Variants in RSPO4 observed in about 807,000 individuals in gnomAD.
The protein encoded by RSPO4 is R-spondin-4.
A neutral mutation model predicts 24.8 loss-of-function variants in RSPO4; 23 were observed. The ratio of observed to expected loss-of-function variants is 0.93; its 90% confidence interval spans 0.67 to 1.31. The LOEUF (loss-of-function observed/expected upper bound fraction) is 1.31, where lower values mean the gene tolerates loss of function less well. Among genes scored for constraint, RSPO4 ranks in the 40% most tolerant of loss-of-function variants. The probability of loss-of-function intolerance (pLI) is 0.00; values close to 1 mark genes in which losing one functional copy is unlikely to be tolerated. For synonymous variants in RSPO4, 141 were observed against 127.4 expected, an observed-to-expected ratio of 1.11 and a Z score of -0.72; for missense variants, 333 against 316.5, an observed-to-expected ratio of 1.05 and a Z score of -0.39.
chr20:969,281 G>A (rs989188248), intron 1 of RSPO4, among the ~76,000 whole-genome samples: 11 of 152,262 alleles, frequency 7.2e-5, no homozygotes, highest in Non-Finnish European at 1.6e-4. Flanking sequence ...CTGTACTCCA[G>A]TCGGAGAGAC....
chr20:974,885 GT>G (rs1984515076), intron 1 of RSPO4, among the ~76,000 whole-genome samples: 1 of 152,244 alleles, frequency 6.6e-6, no homozygotes, highest in African/African-American at 2.4e-5. Flanking sequence ...ATTGAGTTAG[GT>G]TTTCTGTCAC....
At chr20:995,989 A>C (rs1368315580) in intron 1 of RSPO4, among the ~76,000 whole-genome samples, 3 of 152,244 alleles carry the variant, frequency 2.0e-5, no homozygotes, top group Non-Finnish European at 4.4e-5. Flanking sequence ...TTCTCAAAAT[A>C]ATAGTTTTCA....
At chr20:971,212 C>A (rs549783987) in intron 1 of RSPO4, among the ~76,000 whole-genome samples, 1 of 152,212 alleles carries the variant, frequency 6.6e-6, no homozygotes, top group Non-Finnish European at 1.5e-5. Flanking sequence ...CAAACTCTGG[C>A]GCACAACAGC....
intron 1 of RSPO4, among the ~76,000 whole-genome samples, chr20:996,963 T>C (rs187531215): frequency 2.4e-3 from 366 of 152,342 alleles, no homozygotes; most frequent in Admixed American, 4.1e-3. Context: ...ACTTACACCT[T>C]GCAGCCCTGG....
chr20:963,130 C>G (rs947207572), intron 4 of RSPO4, among the ~76,000 whole-genome samples: 1 of 152,178 alleles, frequency 6.6e-6, no homozygotes, highest in Non-Finnish European at 1.5e-5. Flanking sequence ...TTGAATGGCA[C>G]AGTGAAGGGG....
At chr20:992,268 T>C (rs536190027) in intron 1 of RSPO4, among the ~76,000 whole-genome samples, 37 of 143,086 alleles carry the variant, frequency 2.6e-4, no homozygotes, top group Admixed American at 4.7e-4. Flanking sequence ...ACTTTCTTTT[T>C]TTTTTTTTTT....
intron 1 of RSPO4, among the ~76,000 whole-genome samples, chr20:983,095 G>A (rs1984792600): frequency 6.6e-6 from 1 of 152,232 alleles, no homozygotes; most frequent in Admixed American, 6.5e-5. Flanking sequence ...AGATGAGCCC[G>A]AGTGAGAAAG....
intron 1 of RSPO4, among the ~76,000 whole-genome samples, chr20:982,821 T>C (rs1984782701): frequency 6.6e-6 from 1 of 152,222 alleles, no homozygotes; most frequent in African/African-American, 2.4e-5. Context: ...TGTCGGGGGT[T>C]TATGATTCCT....
At chr20:967,059 C>T in intron 3 of RSPO4, 115 bp downstream of exon 3, 2 of 1,047,036 alleles carry the variant, frequency 1.9e-6, no homozygotes, top group African/African-American at 3.1e-5. Context: ...CTGGGCCTTC[C>T]CTCACCATAT....
intron 1 of RSPO4, among the ~76,000 whole-genome samples, chr20:998,918 C>T (rs1261838411): frequency 1.3e-5 from 2 of 151,846 alleles, no homozygotes; most frequent in Non-Finnish European, 1.5e-5. Flanking sequence ...ATTTTCCAAG[C>T]AGATGCCTTA....
At chr20:964,793 TATATACACAC>T (rs1984136436) in intron 3 of RSPO4, among the ~76,000 whole-genome samples, 4 of 104,034 alleles carry the variant, frequency 3.8e-5, no homozygotes, top group African/African-American at 2.9e-4. Context: ...TATATACACA[TATATACACAC>T]ATACACACAC....
At chr20:995,724 T>C (rs1985258587) in intron 1 of RSPO4, among the ~76,000 whole-genome samples, 2 of 152,150 alleles carry the variant, frequency 1.3e-5, no homozygotes, top group Admixed American at 6.5e-5. Flanking sequence ...TCATCTATAA[T>C]ATAAAGATCC....
intron 4 of RSPO4, among the ~76,000 whole-genome samples, chr20:960,841 T>C (rs1378521709): frequency 6.6e-6 from 1 of 152,232 alleles, no homozygotes; most frequent in African/African-American, 2.4e-5. Flanking sequence ...GAGCAGGCTC[T>C]GTGCTGGACG....
Position 967,975 on chromosome 20 carries a change from G to A in RSPO4, c.243C>T (p.Arg81=), listed in dbSNP as rs756916549. 3.1e-6 allele frequency: 5 copies of A among 1,614,250 alleles called. No homozygotes were observed. Among genetic ancestry groups the A allele is most frequent in the Admixed American group, 1.7e-5 (1 of 60,036 alleles). ...TTTTGCACCTGTTGACCTCCTGGCC[G>A]CGGATGCCGAAGTACCCAGGGGGAC... The part of the protein sequence containing the change: ...HDCPPGYFGI[R]GQEVNRCKKC... Residue 81 remains arginine (R), a synonymous_variant, in exon 2 of 5, where the codon CGC becomes CGT. Coordinates refer to ENST00000217260, the MANE Select transcript of RSPO4 (RefSeq NM_001029871.4).
At chr20:1,000,921 C>T (rs1484670061) in intron 1 of RSPO4, among the ~76,000 whole-genome samples, 2 of 152,230 alleles carry the variant, frequency 1.3e-5, no homozygotes, top group Non-Finnish European at 2.9e-5. Context: ...CTGCTTCCTG[C>T]TCCGTTCCAG....
Position 1,002,242 on chromosome 20 carries a change from C to G in RSPO4, c.-78G>C, listed in dbSNP as rs867774893. On this transcript the variant is annotated 5_prime_UTR_variant, in exon 1 of 5. Transcript: ENST00000217260. This position sits in a 1 kb window ranked among gnomAD's most constrained non-coding sequence, Gnocchi z 4.6. ...GCCCCACGTCCCGGCGGCGGCACGG[C>G]GGGCGCGGGGGCTGCTGTGGGCGCG... 9.6e-5 allele frequency: 101 copies of G among 1,050,886 alleles called. 3 individuals are homozygous for G. In the Middle Eastern group the frequency reaches 5.8e-3, roughly 60 times the overall value. 65.1% of individuals were successfully genotyped at this position (1,050,886 alleles called of 1,614,324 possible).
At position 959,958 on chromosome 20, in the gene RSPO4, T is replaced by C. The variant is rs1363703063; in HGVS notation, c.*399A>G. 9.5e-6 allele frequency: 2 copies of C among 210,834 alleles called. No individual in the cohort carries two copies. Among genetic ancestry groups the C allele is most frequent in the Non-Finnish European group, 1.9e-5 (2 of 104,574 alleles). The allele number at this position is 210,834 out of a possible 1,614,324, so 13.1% of individuals were successfully genotyped here. On this transcript the variant is annotated 3_prime_UTR_variant, in exon 5 of 5. Transcript: ENST00000217260. ...AAAGATGTTTGCTTTCTTTAAGTTGTAGATAGAGAAAGCTGCAGGGGAGGG... is the reference window on the plus strand; with the variant it reads ...AAAGATGTTTGCTTTCTTTAAGTTGCAGATAGAGAAAGCTGCAGGGGAGGG...
Position 967,241 on chromosome 20 carries a change from G to C in RSPO4, c.342C>G (p.Tyr114Ter). 1 of 1,614,234 alleles carries C rather than the reference G, an allele frequency of 6.2e-7. No homozygotes were observed. Among genetic ancestry groups the C allele is most frequent in the Non-Finnish European group, 8.5e-7 (1 of 1,180,038 alleles). The change falls in exon 3 of 5, where the codon TAC becomes TAG. Residue 114 changes from tyrosine (Y) to a stop codon, truncating the protein, a stop_gained. Transcript: ENST00000217260. LOFTEE classifies it high-confidence loss of function. Reference sequence around the variant, plus strand: ...GGCAGGTGGGCAGACACTTCCCCTTGTACAAGTAAAACTGCCTCTTGCACC... The same window carrying C: ...GGCAGGTGGGCAGACACTTCCCCTTCTACAAGTAAAACTGCCTCTTGCACC... Reference protein sequence around the residue: ...CIRCKRQFYLYKGKCLPTCPP... With the variant: ...CIRCKRQFYL
Position 972,778 on chromosome 20 carries a change from G to A in RSPO4, c.80-4640C>T, listed in dbSNP as rs533314758. ...GGCAGCACAGAGTCATATCAGTGGA[G>A]ACCAAGTTGCCCTGCGCTGTGCCTT... is the stretch of plus-strand genomic sequence containing the variant. On this transcript the variant is annotated intron_variant, in intron 1 of 4. Coordinates refer to ENST00000217260, the MANE Select transcript of RSPO4 (RefSeq NM_001029871.4). Among the ~76,000 whole-genome samples the A allele has an allele frequency of 4.6e-5, 7 of 152,344 alleles. No individual in the cohort carries two copies. The East Asian group carries it at 1.4e-3, about 29-fold the overall frequency.
Sources: allele counts gnomAD v4.1 joint callset (sites outside exome capture counted in the v4.1 genomes callset), GRCh38; gene constraint gnomAD v4.1.1; non-coding constraint Gnocchi (gnomAD v3.1); transcripts MANE v1.5; gene names NCBI Gene and HGNC (gene_info 2026-07-23, HGNC 2026-07-21).